The following ANXA6 variants were observed in gnomAD, a reference collection of about 807,000 sequenced individuals.
The protein encoded by ANXA6 is annexin A6.
ANXA6 carries 71 observed loss-of-function variants against 95.4 expected under a neutral mutation model. The ratio of observed to expected loss-of-function variants is 0.74; its 90% CI spans 0.61 to 0.91. ANXA6 has a LOEUF of 0.91. Ranked by LOEUF, ANXA6 falls within the 40% of genes least tolerant of loss-of-function variation. The probability of loss-of-function intolerance (pLI) is 0.00; values close to 1 mark genes in which losing one functional copy is unlikely to be tolerated. For missense variants in ANXA6, 830 were observed against 876.4 expected (o/e 0.95, Z 0.67); for synonymous variants, 289 against 315.9 (o/e 0.91, Z 0.90).
At chr5:151,110,115 G>A (rs1764808542) in intron 21 of ANXA6, among the ~76,000 whole-genome samples, 1 of 152,076 alleles carries the variant, frequency 6.6e-6, no homozygotes, top group Admixed American at 6.5e-5. Flanking sequence ...GTGGGGCTGG[G>A]GCTCCTAGGA....
chr5:151,134,608 G>T, intron 7 of ANXA6, 125 bp from the exon 8 acceptor site: 1 of 893,964 alleles, frequency 1.1e-6, no homozygotes, highest in South Asian at 1.3e-5. Flanking sequence ...CAGAAGCAGT[G>T]ACTGCTATTG....
intron 5 of ANXA6, 146 bp from the exon 6 acceptor site, chr5:151,137,467 G>A: frequency 1.8e-6 from 1 of 547,558 alleles, no homozygotes; most frequent in Admixed American, 3.3e-5. Flanking sequence ...GGGAACTCCT[G>A]CCTTGAGACT....
chr5:151,102,198 C>T (rs1033927393), intron 25 of ANXA6, among the ~76,000 whole-genome samples: 1 of 152,130 alleles, frequency 6.6e-6, no homozygotes, highest in Non-Finnish European at 1.5e-5. Context: ...ACATGGTTTT[C>T]GGGATTTTGT....
chr5:151,104,338 G>T (rs1315535821), intron 24 of ANXA6, among the ~76,000 whole-genome samples: 1 of 152,248 alleles, frequency 6.6e-6, no homozygotes, highest in Non-Finnish European at 1.5e-5. Flanking sequence ...CAGGCACAGG[G>T]CATGGAATGT....
intron 16 of ANXA6, among the ~76,000 whole-genome samples, chr5:151,122,692 C>G (rs545530082): frequency 4.4e-4 from 67 of 152,318 alleles, no homozygotes; most frequent in African/African-American, 1.6e-3. Context: ...TCTGAGTCCA[C>G]TGAGCAACTC....
At chr5:151,124,000 T>A (rs1320544317) in intron 15 of ANXA6, among the ~76,000 whole-genome samples, 1 of 152,134 alleles carries the variant, frequency 6.6e-6, no homozygotes, top group Non-Finnish European at 1.5e-5. Context: ...CAGGGCACCA[T>A]GCCAATTTTG....
chr5:151,126,506 G>C (rs776858357), intron 13 of ANXA6, 26 bp from the exon 14 acceptor site: 1 of 1,581,078 alleles, frequency 6.3e-7, no homozygotes, highest in Non-Finnish European at 8.6e-7. Context: ...TTAGGGAGAG[G>C]ACAGGAAGGA....
chr5:151,132,652 G>C, intron 9 of ANXA6, 81 bp from the exon 10 acceptor site: 1 of 1,212,208 alleles, frequency 8.2e-7, no homozygotes, highest in Middle Eastern at 2.2e-4. Context: ...GAGCAGGGGG[G>C]CACAGTGGCC....
At chr5:151,147,838 C>A (rs1324811802) in intron 2 of ANXA6, 46 bp downstream of exon 2, 1 of 1,576,208 alleles carries the variant, frequency 6.3e-7, no homozygotes, top group East Asian at 2.3e-5. Context: ...GGATCCCAGG[C>A]CCAGAGAAGG....
chr5:151,141,748 G>A, intron 2 of ANXA6: 5 of 981,154 alleles, frequency 5.1e-6, no homozygotes, highest in Non-Finnish European at 6.1e-6. Context: ...CTCTCTTCCT[G>A]CCACCTGGGA....
At chr5:151,131,359 C>G (rs762667435) in intron 10 of ANXA6, 70 bp from the exon 11 acceptor site, 13 of 1,500,536 alleles carry the variant, frequency 8.7e-6, no homozygotes, top group Non-Finnish European at 8.4e-6. Flanking sequence ...GCCTGACTCC[C>G]TCTTTGTTTC....
chr5:151,111,214 G>T (rs961411995), intron 20 of ANXA6, among the ~76,000 whole-genome samples: 1 of 152,182 alleles, frequency 6.6e-6, no homozygotes, highest in Non-Finnish European at 1.5e-5. Flanking sequence ...TTTTACAAGG[G>T]TTACTTTTAA....
intron 2 of ANXA6, among the ~76,000 whole-genome samples, chr5:151,145,739 T>C (rs942309124): frequency 1.3e-5 from 2 of 152,068 alleles, no homozygotes; most frequent in Non-Finnish European, 2.9e-5. Flanking sequence ...GCAGGGAGGC[T>C]TTTTTCACAT....
chr5:151,103,260 G>A (rs1397109062), intron 25 of ANXA6, among the ~76,000 whole-genome samples: 1 of 152,140 alleles, frequency 6.6e-6, no homozygotes, highest in Non-Finnish European at 1.5e-5. Context: ...GCCTTCCAAC[G>A]TGCTGTGATT....
At chr5:151,129,659 C>A (rs1765436939) in intron 11 of ANXA6, 130 bp from the exon 12 acceptor site, 7 of 1,043,080 alleles carry the variant, frequency 6.7e-6, no homozygotes, top group Non-Finnish European at 8.2e-6. Flanking sequence ...GCAGACATTG[C>A]CATTCCCATT....
In ANXA6 at chr5:151,122,259, T is replaced by C. The variant is rs1328100003; in HGVS notation, c.1235A>G (p.Asp412Gly). 1.3e-6 allele frequency: 2 copies of C among 1,595,306 alleles called. No homozygotes were observed. The highest frequency in any genetic ancestry group is 4.5e-5 in the East Asian group (2 of 44,046). ...RQTFKSHFGR[D>G]LMTDLKSEIS... ...CTCAGACTTCAGGTCAGTCATTAAG[T>C]CCTGCAAAGGGCAGAGCCACAGTCA... is the stretch of plus-strand genomic sequence containing the variant. Residue 412 changes from aspartate to glycine, a missense_variant and splice_region_variant, in exon 17 of 26, where the codon GAC (aspartate) becomes GGC (glycine). Asp to Gly is a moderately conservative substitution (Grantham distance 94, BLOSUM62 -1). Transcript: ENST00000354546.
At chr5:151,105,157 T>G (rs967756638) in intron 24 of ANXA6, 88 bp downstream of exon 24, 1 of 1,262,198 alleles carries the variant, frequency 7.9e-7, no homozygotes, top group African/African-American at 1.5e-5. Context: ...CCAGGAATCC[T>G]GATCTGGGGG....
At chr5:151,104,920 C>T (rs535879065) in intron 24 of ANXA6, among the ~76,000 whole-genome samples, 1 of 152,370 alleles carries the variant, frequency 6.6e-6, no homozygotes, top group South Asian at 2.1e-4. Flanking sequence ...CTTTGTTGCG[C>T]AAGCTTATCC....
chr5:151,153,042 C>G (rs1766145714), intron 1 of ANXA6, among the ~76,000 whole-genome samples: 1 of 152,102 alleles, frequency 6.6e-6, no homozygotes, highest in African/African-American at 2.4e-5. Flanking sequence ...GGGCTACAGC[C>G]TGAGCCACAG....
Sources: allele counts gnomAD v4.1 joint callset (sites outside exome capture counted in the v4.1 genomes callset), GRCh38; gene constraint gnomAD v4.1.1; transcripts MANE v1.5; gene names NCBI Gene and HGNC (gene_info 2026-07-23, HGNC 2026-07-21).